ATXN7: variants seen among roughly 807,000 people sequenced by gnomAD.
ATXN7 encodes ataxin-7.
In ATXN7, 12 loss-of-function variants were observed where a neutral mutation model predicts 70.5. The observed-to-expected ratio is 0.17, with a 90% CI of 0.11 to 0.28. The LOEUF is 0.28. ATXN7 is among the 10% of genes least tolerant of loss of function. ATXN7 has a pLI of 1.00. For synonymous variants in ATXN7, 498 were observed against 448.7 expected (o/e 1.11, Z -1.39); for missense variants, 1,256 against 1,131.7 (o/e 1.11, Z -1.58).
chr3:63,867,975 A>T (rs567658295), intron 1 of ATXN7, among the ~76,000 whole-genome samples: 1 of 152,232 alleles, frequency 6.6e-6, no homozygotes, highest in Non-Finnish European at 1.5e-5. Context: ...ACAACAAAGC[A>T]TTGCCTATCA....
At chr3:63,986,939 T>C (rs146587963) in intron 8 of ATXN7, among the ~76,000 whole-genome samples, 1 of 152,286 alleles carries the variant, frequency 6.6e-6, no homozygotes, top group East Asian at 1.9e-4. Flanking sequence ...CGTGGGTGAA[T>C]TCATTTATGT....
chr3:63,919,074 C>T (rs1437816052), intron 4 of ATXN7, among the ~76,000 whole-genome samples: 4 of 152,114 alleles, frequency 2.6e-5, no homozygotes, highest in Admixed American at 1.3e-4. Context: ...TCCCCAGTTG[C>T]AGCGTGTGGG....
At chr3:63,918,114 G>A (rs933138015) in intron 4 of ATXN7, among the ~76,000 whole-genome samples, 2 of 152,256 alleles carry the variant, frequency 1.3e-5, no homozygotes, top group Admixed American at 1.3e-4. Flanking sequence ...TAACCTGAAC[G>A]TGATTGAGCC....
At chr3:63,929,152 A>G (rs1704834804) in intron 4 of ATXN7, among the ~76,000 whole-genome samples, 2 of 152,180 alleles carry the variant, frequency 1.3e-5, no homozygotes, top group African/African-American at 2.4e-5. Flanking sequence ...TTTATTACCC[A>G]CTTAGGACAA....
chr3:63,905,170 A>G (rs531072919), intron 2 of ATXN7: 1 of 152,132 alleles, frequency 6.6e-6, no homozygotes, highest in Admixed American at 6.5e-5. Flanking sequence ...ATGAAGTTCA[A>G]TTTACCCATT....
rs554707372 is a variant in ATXN7, at chr3:63,873,950, C to G, written c.-111+9792C>G. 17 of 152,350 alleles carry G rather than the reference C, an allele frequency of 1.1e-4. No homozygotes were observed. The East Asian group carries it at 3.3e-3, about 29-fold the overall frequency. 9.4% of individuals were successfully genotyped at this position (152,350 alleles called of 1,614,324 possible). ...TTCTGGGCTCAAGCCATCCTCCCACCTTGGCCTCCCAAAATGCTAGGATTA... is the reference window on the plus strand; with the variant it reads ...TTCTGGGCTCAAGCCATCCTCCCACGTTGGCCTCCCAAAATGCTAGGATTA... On this transcript the variant is annotated intron_variant, in intron 1 of 12. Coordinates refer to ENST00000674280, the MANE Select transcript of ATXN7 (RefSeq NM_001377405.1).
In ATXN7 at chr3:63,996,265, C is replaced by T. The variant is rs750013928; in HGVS notation, c.2443C>T (p.Pro815Ser). 118 of 1,614,044 alleles carry T rather than the reference C, an allele frequency of 7.3e-5. No individual in the cohort carries two copies. Among genetic ancestry groups the T allele is most frequent in the Non-Finnish European group, 9.8e-5 (116 of 1,180,036 alleles). Residue 815 changes from proline (P) to serine (S), a missense_variant, in exon 12 of 13, where the codon CCT (proline) becomes TCT (serine). Pro to Ser is a moderately conservative substitution (Grantham distance 74). Transcript: ENST00000674280. ...GPFIHQSNEL[P>S]VNSHGSFSHS... ...ATTCATTCACCAGTCCAATGAACTG[C>T]CTGTCAACTCCCACGGCAGTTTTTC... is the stretch of plus-strand genomic sequence containing the variant.
chr3:63,913,605 A>T (rs1704146806), intron 4 of ATXN7, among the ~76,000 whole-genome samples: 1 of 152,238 alleles, frequency 6.6e-6, no homozygotes, highest in African/African-American at 2.4e-5. Context: ...TGGCAATCGA[A>T]ACGAATTTTG....
chr3:63,997,791 T>C (rs1391879515), intron 12 of ATXN7: 2 of 1,494,606 alleles, frequency 1.3e-6, no homozygotes, highest in Non-Finnish European at 1.8e-6. Context: ...AGAAGTTTCT[T>C]AGTATTTTCG....
At chr3:63,959,982 G>A (rs1023303661) in intron 5 of ATXN7, among the ~76,000 whole-genome samples, 1 of 152,124 alleles carries the variant, frequency 6.6e-6, no homozygotes, top group African/African-American at 2.4e-5. Context: ...ACAATACATT[G>A]TATTAAGGAG....
intron 2 of ATXN7, among the ~76,000 whole-genome samples, 183 bp from the exon 3 acceptor site, chr3:63,912,405 A>G (rs1356402760): frequency 1.3e-5 from 2 of 150,532 alleles, no homozygotes; most frequent in Admixed American, 1.3e-4. Context: ...CGCGCCGCGG[A>G]CTTTGAGCCC....
Position 64,001,550 on chromosome 3 carries a change from C to T in ATXN7, c.*2083C>T, listed in dbSNP as rs1028554049. The T allele has an allele frequency of 6.6e-5, 10 of 152,092 alleles. No homozygotes were observed. Among genetic ancestry groups the T allele is most frequent in the East Asian group, 3.8e-4 (2 of 5,200 alleles). 9.4% of individuals were successfully genotyped at this position (152,092 alleles called of 1,614,324 possible). ...AATTTACAGATCGATCATGTTGTTC[C>T]GAAAGATGTGAATAGGATCCACAAT... On this transcript the variant is annotated 3_prime_UTR_variant, in exon 13 of 13. Coordinates refer to ENST00000674280, the MANE Select transcript of ATXN7 (RefSeq NM_001377405.1).
At chr3:63,914,778 A>G (rs1043941073) in intron 4 of ATXN7, among the ~76,000 whole-genome samples, 4 of 152,224 alleles carry the variant, frequency 2.6e-5, no homozygotes, top group Non-Finnish European at 4.4e-5. Context: ...CAGGGACCCA[A>G]CCAAATTAAG....
intron 5 of ATXN7, among the ~76,000 whole-genome samples, chr3:63,966,324 T>C (rs1189229056): frequency 2.6e-5 from 4 of 152,122 alleles, no homozygotes; most frequent in African/African-American, 9.7e-5. Context: ...TGAAGTAGGG[T>C]GAACAATACT....
intron 12 of ATXN7, 132 bp downstream of exon 12, chr3:63,996,615 CT>C (rs2075764879): frequency 1.7e-5 from 3 of 171,596 alleles, no homozygotes; most frequent in Admixed American, 9.8e-5. Flanking sequence ...ATGGTGTCTT[CT>C]TAAAAAAAAA....
At chr3:63,931,008 T>C (rs1344494735) in intron 4 of ATXN7, among the ~76,000 whole-genome samples, 1 of 152,234 alleles carries the variant, frequency 6.6e-6, no homozygotes, top group African/African-American at 2.4e-5. Context: ...AGAATGATGC[T>C]GTTTCAAAGA....
intron 4 of ATXN7, among the ~76,000 whole-genome samples, chr3:63,946,808 T>C (rs2074872228): frequency 6.6e-6 from 1 of 152,076 alleles, no homozygotes; most frequent in Admixed American, 6.6e-5. Flanking sequence ...ACCCCCACTT[T>C]GAAGCCAGCA....
At chr3:63,870,658 T>G (rs986471375) in intron 1 of ATXN7, among the ~76,000 whole-genome samples, 22 of 152,174 alleles carry the variant, frequency 1.4e-4, no homozygotes, top group Non-Finnish European at 8.8e-5. Flanking sequence ...ATGTGATGGT[T>G]TTTGAAGGGA....
chr3:63,999,351 G>C (rs931255330), intron 12 of ATXN7, 99 bp from the exon 13 acceptor site: 18 of 1,001,420 alleles, frequency 1.8e-5, no homozygotes, highest in Non-Finnish European at 2.7e-5. Context: ...CTTTAGTAGC[G>C]TGCAGCCTTT....
Sources: allele counts gnomAD v4.1 joint callset (sites outside exome capture counted in the v4.1 genomes callset), GRCh38; gene constraint gnomAD v4.1.1; transcripts MANE v1.5; gene names NCBI Gene and HGNC (gene_info 2026-07-23, HGNC 2026-07-21).